VPS13D: variants seen among roughly 807,000 people sequenced by gnomAD.
VPS13D encodes intermembrane lipid transfer protein VPS13D.
Under a neutral mutation model 461.9 loss-of-function variants are expected in VPS13D, and 187 were observed. That is an observed-to-expected ratio of 0.40 (90% CI 0.36 to 0.46). The LOEUF (loss-of-function observed/expected upper bound fraction) is 0.46. VPS13D is among the 20% of genes least tolerant of loss of function. The pLI is 0.60. For missense variants in VPS13D, 4,711 were observed against 5,364.9 expected, an observed-to-expected ratio of 0.88 and a Z score of 3.81; for synonymous variants, 1,951 against 1,986.3, an observed-to-expected ratio of 0.98 and a Z score of 0.47.
chr1:12,460,012 T>C (rs1645388406), intron 66 of VPS13D, among the ~76,000 whole-genome samples, 189 bp from the exon 67 acceptor site: 1 of 149,976 alleles, frequency 6.7e-6, no homozygotes. Flanking sequence ...GTAACATATA[T>C]CCTCTGACTC....
chr1:12,311,391 T>G, intron 27 of VPS13D, 63 bp from the exon 28 acceptor site: 258 of 1,494,986 alleles, frequency 1.7e-4, no homozygotes, highest in Non-Finnish European at 2.2e-4. Flanking sequence ...TGTTTGGGCG[T>G]GAGCTATGTC....
chr1:12,491,133 A>C (rs1455636862), intron 67 of VPS13D, among the ~76,000 whole-genome samples: 1 of 152,216 alleles, frequency 6.6e-6, no homozygotes, highest in East Asian at 1.9e-4. Context: ...AGCACAGTAT[A>C]TATCAGTAAG....
At chr1:12,422,949 C>T (rs900969196) in intron 65 of VPS13D, among the ~76,000 whole-genome samples, 1 of 151,710 alleles carries the variant, frequency 6.6e-6, no homozygotes, top group Non-Finnish European at 1.5e-5. Flanking sequence ...CTGCTGACTT[C>T]CCACCAGAAG....
At chr1:12,416,213 C>T (rs1644792002) in intron 64 of VPS13D, among the ~76,000 whole-genome samples, 1 of 152,144 alleles carries the variant, frequency 6.6e-6, no homozygotes, top group Non-Finnish European at 1.5e-5. Flanking sequence ...CTTGATAAGT[C>T]TCTCCATGCC....
intron 67 of VPS13D, among the ~76,000 whole-genome samples, chr1:12,471,884 T>A (rs987331879): frequency 2.0e-5 from 3 of 152,192 alleles, no homozygotes; most frequent in African/African-American, 7.2e-5. Context: ...CACATTTTTT[T>A]AACCCTGGGC....
chr1:12,395,996 GATATATAT>G lies in VPS13D; in HGVS notation c.11635-4159_11635-4152del, dbSNP rs58476786. Among the ~76,000 whole-genome samples the G allele has an allele frequency of 4.9e-3, 360 of 73,772 alleles. 8 individuals carry two copies. The highest frequency in any genetic ancestry group is 6.8e-3 in the Middle Eastern group (1 of 146). The allele number at this position is 73,772 out of a possible 152,430, so 48.4% of individuals were successfully genotyped here. A position where few individuals can be genotyped will look rare whatever the true frequency, so the allele number is the denominator to read the frequency against. ...TCTTAGAGGGATAGAACTAATAGGA[GATATATAT>G]ATATATATATATATATATATATATA... On this transcript the variant is annotated intron_variant, in intron 60 of 69. Transcript: ENST00000620676.
intron 65 of VPS13D, among the ~76,000 whole-genome samples, chr1:12,424,523 C>T (rs1644900206): frequency 6.6e-6 from 1 of 152,186 alleles, no homozygotes; most frequent in Non-Finnish European, 1.5e-5. Context: ...AATTCACAGG[C>T]AGTCCCCATG....
intron 20 of VPS13D, among the ~76,000 whole-genome samples, chr1:12,281,417 G>A (rs1004200306): frequency 6.6e-6 from 1 of 152,114 alleles, no homozygotes; most frequent in African/African-American, 2.4e-5. Flanking sequence ...AACTAAGTCA[G>A]TTGTCCTGTG....
intron 65 of VPS13D, among the ~76,000 whole-genome samples, chr1:12,429,007 G>T (rs1570153338): frequency 6.6e-6 from 1 of 152,098 alleles, no homozygotes; most frequent in East Asian, 1.9e-4. Flanking sequence ...GTTCCTCAAG[G>T]ATGAGATTGG....
chr1:12,470,781 C>A (rs1645552907), intron 67 of VPS13D, among the ~76,000 whole-genome samples: 1 of 152,116 alleles, frequency 6.6e-6, no homozygotes, highest in Non-Finnish European at 1.5e-5. Flanking sequence ...TTGACTTACT[C>A]TTTATTCTTG....
At chr1:12,403,656 A>T (rs1348731658) in intron 62 of VPS13D, among the ~76,000 whole-genome samples, 169 bp from the exon 63 acceptor site, 1 of 152,216 alleles carries the variant, frequency 6.6e-6, no homozygotes, top group African/African-American at 2.4e-5. Context: ...TCTTACAAAG[A>T]ATGGCATCAG....
intron 6 of VPS13D, among the ~76,000 whole-genome samples, chr1:12,252,537 C>T (rs999036800): frequency 6.6e-5 from 10 of 152,140 alleles, no homozygotes; most frequent in Admixed American, 2.0e-4. Context: ...TTTGGGAGGC[C>T]GAGGCGGGCA....
chr1:12,303,742 A>G (rs1157356045), intron 25 of VPS13D, among the ~76,000 whole-genome samples: 3 of 152,202 alleles, frequency 2.0e-5, no homozygotes, highest in African/African-American at 7.2e-5. Context: ...CAAGATGGGA[A>G]CCATGATGCT....
In VPS13D at chr1:12,470,469, G is replaced by A. The variant is rs1347554715; in HGVS notation, c.12662+10073G>A. 2.6e-5 allele frequency among the ~76,000 whole-genome samples: 4 copies of A among 152,152 alleles called. No individual in the cohort carries two copies. The East Asian group carries it at 7.7e-4, about 29-fold the overall frequency. On this transcript the variant is annotated intron_variant, in intron 67 of 69. Transcript: ENST00000620676. ...AACCTTGAAGTGTGTTTCTATTTTT[G>A]TTTGAACTATCGAGGGCCCAGTTAA...
Position 12,318,206 on chromosome 1 carries a change from C to T in VPS13D, c.7283C>T (p.Pro2428Leu). The T allele has an allele frequency of 6.2e-7, 1 of 1,614,202 alleles. No individual in the cohort carries two copies. Among genetic ancestry groups the T allele is most frequent in the Non-Finnish European group, 8.5e-7 (1 of 1,180,036 alleles). ...SDIKKQNHVT[P>L]SRHRNSSSES... ...ATTAAGAAACAAAATCATGTTACTC[C>T]TTCTCGCCACCGTAACTCTAGCAGC... The change falls in exon 31 of 70, where the codon CCT becomes CTT. Residue 2428 changes from proline (P) to leucine (L), a missense_variant. Physicochemically the swap from Pro to Leu is moderately conservative, Grantham distance 98. This residue lies in a region of VPS13D where 4,411 missense variants were observed against 4,937.8 expected (regional missense o/e 0.89). Transcript: ENST00000620676.
At chr1:12,230,605 C>T (rs1639932283) in intron 1 of VPS13D, among the ~76,000 whole-genome samples, 1 of 152,096 alleles carries the variant, frequency 6.6e-6, no homozygotes, top group African/African-American at 2.4e-5. Flanking sequence ...TGTCAGTTCT[C>T]TAGAATGCCT....
At chr1:12,258,217 A>G in intron 10 of VPS13D, 114 bp downstream of exon 10, 2 of 1,296,400 alleles carry the variant, frequency 1.5e-6, no homozygotes, top group Non-Finnish European at 1.1e-6. Context: ...CAAAGGGGCT[A>G]AATTTTATAG....
At chr1:12,257,199 C>A in intron 9 of VPS13D, 112 bp downstream of exon 9, 2 of 912,104 alleles carry the variant, frequency 2.2e-6, no homozygotes, top group Non-Finnish European at 3.4e-6. Context: ...GATAAAAGTA[C>A]AGTTGATTTT....
At chr1:12,416,319 T>A (rs1644793677) in intron 64 of VPS13D, among the ~76,000 whole-genome samples, 1 of 152,210 alleles carries the variant, frequency 6.6e-6, no homozygotes, top group African/African-American at 2.4e-5. Flanking sequence ...CTGCTGGTGA[T>A]TACTTCTCTA....
Sources: gnomAD v4.1 joint callset for allele counts (sites outside exome capture counted in the v4.1 genomes callset) on GRCh38, gnomAD v4.1.1 for gene constraint, gnomAD v4.1.1 regional missense constraint, MANE v1.5 for transcripts, NCBI Gene and HGNC (gene_info 2026-07-23, HGNC 2026-07-21) for gene names.